Variants in ATP2C1 observed in about 807,000 individuals in gnomAD.
ATP2C1 encodes the protein ATPase secretory pathway Ca2+ transporting 1.
In ATP2C1, 31 loss-of-function variants were observed where a neutral mutation model predicts 120.5. The ratio of observed to expected loss-of-function variants is 0.26; its 90% CI spans 0.19 to 0.35. ATP2C1 has a LOEUF of 0.35. Ranked by LOEUF, ATP2C1 falls within the 10% of genes least tolerant of loss-of-function variation. The pLI is 1.00. For missense variants in ATP2C1, 731 were observed against 1,107.5 expected (o/e 0.66, Z 4.83); for synonymous variants, 351 against 358.7 (o/e 0.98, Z 0.24).
intron 18 of ATP2C1, 139 bp downstream of exon 18, chr3:130,975,627 GT>G: frequency 1.0e-6 from 1 of 991,912 alleles, no homozygotes; most frequent in Non-Finnish European, 1.5e-6. Context: ...GAGGTGTTAA[GT>G]TTTAGTTGGT....
At chr3:131,014,357 T>C in intron 26 of ATP2C1, 2 of 1,608,968 alleles carry the variant, frequency 1.2e-6, no homozygotes, top group Non-Finnish European at 1.7e-6. Context: ...GTTGCTGGCA[T>C]AGTCCGTGCA....
At chr3:130,973,333 G>T (rs2061411754) in intron 17 of ATP2C1, among the ~76,000 whole-genome samples, 1 of 152,064 alleles carries the variant, frequency 6.6e-6, no homozygotes, top group South Asian at 2.1e-4. Flanking sequence ...ACTTGGAGAG[G>T]GAGAATTCGA....
intron 4 of ATP2C1, among the ~76,000 whole-genome samples, chr3:130,933,616 A>C (rs1347406100): frequency 6.6e-6 from 1 of 152,174 alleles, no homozygotes; most frequent in Non-Finnish European, 1.5e-5. Context: ...TTGCAGTGTT[A>C]TTTTATTAGG....
chr3:130,962,689 T>G (rs2060872626), intron 12 of ATP2C1, among the ~76,000 whole-genome samples: 1 of 132,864 alleles, frequency 7.5e-6, no homozygotes. Flanking sequence ...TAAGTGATAA[T>G]GCCTGTTTTT....
chr3:130,957,538 A>G (rs760325656), intron 11 of ATP2C1, among the ~76,000 whole-genome samples: 8 of 152,000 alleles, frequency 5.3e-5, no homozygotes, highest in East Asian at 1.9e-4. Flanking sequence ...TAGTATTTCA[A>G]AGTCAGTAAT....
chr3:130,977,324 A>T (rs2061569295), intron 18 of ATP2C1, among the ~76,000 whole-genome samples: 1 of 152,132 alleles, frequency 6.6e-6, no homozygotes. Context: ...TTTTAAAAAG[A>T]CCGTTGGTGA....
At chr3:130,861,688 C>T (rs1289576794) in intron 1 of ATP2C1, among the ~76,000 whole-genome samples, 1 of 151,856 alleles carries the variant, frequency 6.6e-6, no homozygotes, top group Non-Finnish European at 1.5e-5. Context: ...GCTATCTGAC[C>T]ATCCCTTAGC....
At position 130,919,193 on chromosome 3, in the gene ATP2C1, C is replaced by A. The variant is rs2058830095; in HGVS notation, c.7-11223C>A. 2.2e-5 allele frequency: 4 copies of A among 179,178 alleles called. 1 individual carries two copies. The East Asian group carries it at 6.3e-4, about 28-fold the overall frequency. 11.1% of individuals were successfully genotyped at this position (179,178 alleles called of 1,614,324 possible). A position where few individuals can be genotyped will look rare whatever the true frequency, so the allele number is the denominator to read the frequency against. ...GGCTGGAGGGAGTGTCCAGGGAGTC[C>A]GAGATCGCTAGAATTTTAGAATTTC... On this transcript the variant is annotated intron_variant, in intron 2 of 27. Coordinates refer to ENST00000510168, the MANE Select transcript of ATP2C1 (RefSeq NM_001378687.1).
chr3:130,893,210 C>T (rs959397184), upstream of ATP2C1, among the ~76,000 whole-genome samples: 5 of 152,106 alleles, frequency 3.3e-5, no homozygotes, highest in African/African-American at 1.2e-4. Flanking sequence ...GAAATGTTTA[C>T]GTGTGAAAAG....
At chr3:130,978,475 C>T (rs1421434008) in intron 18 of ATP2C1, among the ~76,000 whole-genome samples, 1 of 151,946 alleles carries the variant, frequency 6.6e-6, no homozygotes, top group Non-Finnish European at 1.5e-5. Flanking sequence ...TCCGGAGTTC[C>T]ATAATTCTGA....
intron 26 of ATP2C1, among the ~76,000 whole-genome samples, chr3:131,011,396 T>G (rs1328474737): frequency 1.3e-5 from 2 of 152,238 alleles, no homozygotes; most frequent in Non-Finnish European, 2.9e-5. Flanking sequence ...AGAGTTCCTT[T>G]TGTTACTTGA....
intron 12 of ATP2C1, among the ~76,000 whole-genome samples, chr3:130,960,589 ATAT>A (rs1303730507): frequency 2.0e-5 from 3 of 152,206 alleles, no homozygotes; most frequent in African/African-American, 7.2e-5. Flanking sequence ...CATACTTGAC[ATAT>A]TATTCTTACC....
chr3:130,952,664 T>C (rs1042579257), intron 8 of ATP2C1, among the ~76,000 whole-genome samples: 5 of 152,180 alleles, frequency 3.3e-5, no homozygotes, highest in African/African-American at 1.2e-4. Flanking sequence ...CTAACACTGA[T>C]AGTCAGTAAA....
chr3:130,912,892 G>A (rs1472240118), intron 2 of ATP2C1, among the ~76,000 whole-genome samples: 1 of 151,980 alleles, frequency 6.6e-6, no homozygotes, highest in Non-Finnish European at 1.5e-5. Context: ...AGAAAATGTG[G>A]CACATATACA....
At chr3:130,907,000 A>G (rs1326195545) in intron 2 of ATP2C1, among the ~76,000 whole-genome samples, 1 of 152,036 alleles carries the variant, frequency 6.6e-6, no homozygotes, top group Non-Finnish European at 1.5e-5. Flanking sequence ...AGAAATGTCT[A>G]TTCAAATCTT....
chr3:130,908,118 T>G (rs1311733033), intron 2 of ATP2C1, among the ~76,000 whole-genome samples: 4 of 152,056 alleles, frequency 2.6e-5, no homozygotes, highest in Non-Finnish European at 5.9e-5. Flanking sequence ...AATAGAAGCT[T>G]CTGAGTTTGA....
intron 1 of ATP2C1, among the ~76,000 whole-genome samples, chr3:130,876,989 G>A (rs924376847): frequency 3.9e-5 from 6 of 152,130 alleles, no homozygotes; most frequent in South Asian, 2.1e-4. Context: ...TTGTTTATTC[G>A]TTCTAAAAGT....
At chr3:130,998,142 T>A in intron 25 of ATP2C1, 152 bp from the exon 26 acceptor site, 1 of 670,404 alleles carries the variant, frequency 1.5e-6, no homozygotes. Flanking sequence ...ACTAGGTGAT[T>A]TATAGGAAAT....
At chr3:130,965,126 T>A in intron 14 of ATP2C1, 81 bp downstream of exon 14, 1 of 931,676 alleles carries the variant, frequency 1.1e-6, no homozygotes, top group Non-Finnish European at 1.7e-6. Context: ...ACAGTTCCAG[T>A]GTCTTACCTT....
Sources: allele counts gnomAD v4.1 joint callset (sites outside exome capture counted in the v4.1 genomes callset), GRCh38; gene constraint gnomAD v4.1.1; transcripts MANE v1.5; gene names NCBI Gene and HGNC (gene_info 2026-07-23, HGNC 2026-07-21).